The following CPAMD8 variants were observed in gnomAD, a reference collection of about 807,000 sequenced individuals.
The protein encoded by CPAMD8 is C3 and PZP like alpha-2-macroglobulin domain containing 8.
In CPAMD8, 146 loss-of-function variants were observed where a neutral mutation model predicts 224.7. That is an observed-to-expected ratio of 0.65 (90% CI 0.57 to 0.75). The LOEUF (loss-of-function observed/expected upper bound fraction) is 0.75. Ranked by LOEUF, CPAMD8 falls within the 30% of genes least tolerant of loss-of-function variation. The pLI, the probability that CPAMD8 is intolerant of heterozygous loss-of-function variation, is 0.00. For missense variants in CPAMD8, 2,301 were observed against 2,537.5 expected, an observed-to-expected ratio of 0.91 and a Z score of 2.00; for synonymous variants, 966 against 1,044.6, an observed-to-expected ratio of 0.92 and a Z score of 1.45.
At position 16,945,471 on chromosome 19, in the gene CPAMD8, A is replaced by G. The variant is rs566308754; in HGVS notation, c.2793+78T>C. 8.0e-4 allele frequency: 1,247 copies of G among 1,557,028 alleles called. 2 individuals are homozygous for G. The highest frequency in any genetic ancestry group is 1.0e-3 in the Non-Finnish European group (1,146 of 1,146,658). ...AGGCCCTGGCTCAGCCTCAGACCAC[A>G]CACTCCAGCTGGGCCCAGCTTCATG... On this transcript the variant is annotated intron_variant, in intron 22 of 41. Transcript: ENST00000443236.
intron 21 of CPAMD8, 148 bp from the exon 22 acceptor site, chr19:16,945,827 G>C: frequency 1.3e-6 from 1 of 755,278 alleles, no homozygotes; most frequent in Non-Finnish European, 2.3e-6. Context: ...GTGCATGCAT[G>C]CAAGTGTGTA....
At chr19:16,943,055 T>C (rs1240166358) in intron 22 of CPAMD8, among the ~76,000 whole-genome samples, 1 of 148,532 alleles carries the variant, frequency 6.7e-6, no homozygotes, top group African/African-American at 2.5e-5. Flanking sequence ...TCACCCAGGC[T>C]AGAGTGCAGT....
chr19:17,022,429 C>A (rs1234317872), intron 1 of CPAMD8, among the ~76,000 whole-genome samples: 2 of 152,122 alleles, frequency 1.3e-5, no homozygotes, highest in Non-Finnish European at 2.9e-5. Flanking sequence ...ATTGCACAAC[C>A]CCTCTTACTC....
rs1203516651 is a variant in CPAMD8 at position 16,941,845 on chromosome 19, T to C, written c.2794-3399A>G. Among the ~76,000 whole-genome samples the C allele has an allele frequency of 2.0e-5, 3 of 152,154 alleles. No individual in the cohort carries two copies. In the East Asian group the frequency reaches 5.8e-4, roughly 29 times the overall value. ...AAAATTATCCGGGCATGGTGGCAGG[T>C]GCCTGCAATCCCAGCTATTCGGGAG... On this transcript the variant is annotated intron_variant, in intron 22 of 41. Coordinates refer to ENST00000443236, the MANE Select transcript of CPAMD8 (RefSeq NM_015692.5).
chr19:17,020,825 A>G (rs2056934237), intron 2 of CPAMD8, among the ~76,000 whole-genome samples: 1 of 152,168 alleles, frequency 6.6e-6, no homozygotes, highest in African/African-American at 2.4e-5. Context: ...CCAGGACTCA[A>G]TTAGGTATCT....
intron 20 of CPAMD8, 57 bp from the exon 21 acceptor site, chr19:16,947,284 T>C (rs2054137667): frequency 6.4e-7 from 1 of 1,563,732 alleles, no homozygotes; most frequent in Non-Finnish European, 8.7e-7. Context: ...TCCCAGTGCC[T>C]GGAGGCCCAA....
intron 2 of CPAMD8, among the ~76,000 whole-genome samples, chr19:17,020,947 T>TC (rs2056938274): frequency 6.6e-6 from 1 of 152,192 alleles, no homozygotes; most frequent in Non-Finnish European, 1.5e-5. Flanking sequence ...AAGCTCTCCA[T>TC]CCACCTTCCT....
chr19:16,939,903 T>G (rs1015368467), intron 22 of CPAMD8, among the ~76,000 whole-genome samples: 1 of 151,782 alleles, frequency 6.6e-6, no homozygotes, highest in African/African-American at 2.4e-5. Flanking sequence ...TGTTTTGGGT[T>G]TTTTTTGTTT....
intron 20 of CPAMD8, among the ~76,000 whole-genome samples, chr19:16,948,230 A>AT: frequency 6.6e-6 from 1 of 152,354 alleles, no homozygotes; most frequent in East Asian, 1.9e-4. Context: ...TGATCAAGAC[A>AT]TGAGTGATTG....
chr19:16,902,591 CCT>C (rs2052303903), intron 35 of CPAMD8, 56 bp downstream of exon 35: 2 of 1,100,030 alleles, frequency 1.8e-6, no homozygotes, highest in Non-Finnish European at 2.7e-6. Context: ...AGGAGGCCAT[CCT>C]CTCCGCACAT....
chr19:16,950,680 C>G (rs972069224), intron 20 of CPAMD8, among the ~76,000 whole-genome samples: 7 of 150,608 alleles, frequency 4.6e-5, no homozygotes, highest in African/African-American at 1.7e-4. Context: ...GTAGTCCCAT[C>G]TACTTGAGAG....
intron 18 of CPAMD8, among the ~76,000 whole-genome samples, chr19:16,965,171 A>T (rs1161986079): frequency 1.3e-5 from 2 of 151,876 alleles, no homozygotes; most frequent in African/African-American, 4.8e-5. Flanking sequence ...GAGGCAGGAG[A>T]ATGGTGTGAA....
At chr19:17,000,588 G>A (rs1030070801) in intron 9 of CPAMD8, 66 bp from the exon 10 acceptor site, 31 of 767,766 alleles carry the variant, frequency 4.0e-5, no homozygotes, top group Non-Finnish European at 7.0e-5. Context: ...CCAGCCTCAG[G>A]AAGGCCAGGT....
chr19:16,987,222 A>G (rs1298287220), intron 13 of CPAMD8, among the ~76,000 whole-genome samples: 1 of 133,920 alleles, frequency 7.5e-6, no homozygotes, highest in Admixed American at 8.1e-5. Flanking sequence ...ATATGTGGGT[A>G]TCTAGATGTC....
rs749332979 is a variant in CPAMD8 at position 16,901,231 on chromosome 19, T to C, written c.4752A>G (p.Ala1584=). Residue 1584 remains alanine, a synonymous_variant, in exon 36 of 42, where the codon GCA becomes GCG. Coordinates refer to ENST00000443236, the MANE Select transcript of CPAMD8 (RefSeq NM_015692.5). ...TCACCTGCTCCAGGCTCTCGATGTC[T>C]GCCCGGAAGCCTGACAGCAGGGGCA... is the stretch of plus-strand genomic sequence containing the variant. ...LEVPLLSGFR[A]DIESLEQLLL... 5.6e-6 allele frequency: 9 copies of C among 1,611,678 alleles called. No individual in the cohort carries two copies. In the South Asian group the frequency reaches 7.7e-5, roughly 14 times the overall value.
Position 17,011,594 on chromosome 19 carries a change from C to T in CPAMD8, c.431G>A (p.Arg144Gln), listed in dbSNP as rs756382422. 34 of 1,614,056 alleles carry T rather than the reference C, an allele frequency of 2.1e-5. No individual in the cohort carries two copies. In the African/African-American group the frequency reaches 2.7e-4, roughly 13 times the overall value. ...CTGCATCCATGCTGGCCACTCACCT[C>T]GGTGCTGGGGTCTGTACACAGGCTT... is the stretch of plus-strand genomic sequence containing the variant. ...TDKPVYRPQH[R>Q]VLISIFTVSP... The change falls in exon 4 of 42, where the codon CGA (arginine) becomes CAA (glutamine). Residue 144 changes from arginine (R) to glutamine (Q), a missense_variant and splice_region_variant. Around this residue, in one of 4 missense-constraint regions of CPAMD8, gnomAD observed 283 missense variants for 340.6 expected, o/e 0.83. Coordinates refer to ENST00000443236, the MANE Select transcript of CPAMD8 (RefSeq NM_015692.5).
At chr19:16,918,780 G>A (rs564345040) in intron 27 of CPAMD8, among the ~76,000 whole-genome samples, 210 of 140,196 alleles carry the variant, frequency 1.5e-3, no homozygotes, top group African/African-American at 4.9e-3. Flanking sequence ...GAATAGTTTC[G>A]ATCTGTAGTT....
Position 16,898,143 on chromosome 19 carries a change from T to TA in CPAMD8, c.4849-150_4849-149insT. 1.7e-6 allele frequency: 1 copy of TA among 585,828 alleles called. No homozygotes were observed. The highest frequency in any genetic ancestry group is 2.9e-6 in the Non-Finnish European group (1 of 339,788). 36.3% of individuals were successfully genotyped at this position (585,828 alleles called of 1,614,324 possible). ...CCATTTTCTTTTTTTCTTTTACTTTTCTTTTTTTTTTTTTTTCCTGAGACA... is the reference window on the plus strand; with the variant it reads ...CCATTTTCTTTTTTTCTTTTACTTTTACTTTTTTTTTTTTTTTCCTGAGACA... On this transcript the variant is annotated intron_variant, in intron 37 of 41. Coordinates refer to ENST00000443236, the MANE Select transcript of CPAMD8 (RefSeq NM_015692.5). The surrounding 1 kb of genome is among the most constrained non-coding windows in gnomAD (Gnocchi z 4.2).
chr19:16,990,723 C>T (rs548661090), intron 12 of CPAMD8, among the ~76,000 whole-genome samples: 37 of 151,718 alleles, frequency 2.4e-4, no homozygotes, highest in Non-Finnish European at 4.0e-4. Flanking sequence ...ATTAGCCGGG[C>T]ATGGTGGCCG....
Sources: gnomAD v4.1 joint callset for allele counts (sites outside exome capture counted in the v4.1 genomes callset) on GRCh38, gnomAD v4.1.1 for gene constraint, gnomAD v4.1.1 regional missense constraint, Gnocchi (gnomAD v3.1) non-coding constraint, MANE v1.5 for transcripts, NCBI Gene and HGNC (gene_info 2026-07-23, HGNC 2026-07-21) for gene names.